The following PLA2G4A variants were observed in gnomAD, a reference collection of about 807,000 sequenced individuals.
PLA2G4A encodes phospholipase A2 group IVA.
In PLA2G4A, 40 loss-of-function variants were observed where a neutral mutation model predicts 81.9. The ratio of observed to expected loss-of-function variants is 0.49; its 90% CI spans 0.38 to 0.64. The LOEUF is 0.64. Ranked by LOEUF, PLA2G4A falls within the 30% of genes least tolerant of loss-of-function variation. The pLI is 0.00. For synonymous variants in PLA2G4A, 302 were observed against 296.9 expected, an observed-to-expected ratio of 1.02 and a Z score of -0.18; for missense variants, 715 against 905.1, an observed-to-expected ratio of 0.79 and a Z score of 2.69.
chr1:186,946,290 G>A (rs1193941096), intron 10 of PLA2G4A, among the ~76,000 whole-genome samples: 1 of 152,024 alleles, frequency 6.6e-6, no homozygotes, highest in Non-Finnish European at 1.5e-5. Context: ...TATTCTGTAT[G>A]CTCCATGAAA....
chr1:186,984,604 C>A (rs1374226636), intron 17 of PLA2G4A, among the ~76,000 whole-genome samples: 3 of 152,118 alleles, frequency 2.0e-5, no homozygotes, highest in African/African-American at 7.2e-5. Context: ...GATATTTCTT[C>A]ATCTTGATAA....
At chr1:186,836,921 T>C (rs60292300) in intron 1 of PLA2G4A, among the ~76,000 whole-genome samples, 8,427 of 152,154 alleles carry the variant, frequency 0.055, 279 homozygotes, top group Admixed American at 0.073. Context: ...CTCTGAGGCA[T>C]AGAATTGAAG....
chr1:186,970,476 T>G (rs1657313758), intron 15 of PLA2G4A, among the ~76,000 whole-genome samples: 1 of 152,132 alleles, frequency 6.6e-6, no homozygotes, highest in African/African-American at 2.4e-5. Flanking sequence ...CAAGAAATCT[T>G]TGCCCAGATC....
At chr1:186,911,094 T>TA (rs1396361586) in intron 6 of PLA2G4A, among the ~76,000 whole-genome samples, 154 bp from the exon 7 acceptor site, 8 of 152,256 alleles carry the variant, frequency 5.3e-5, no homozygotes, top group African/African-American at 1.9e-4. Flanking sequence ...GCCATCATTT[T>TA]ATCCTCTTAT....
chr1:186,953,959 A>AT (rs927219240), intron 13 of PLA2G4A, among the ~76,000 whole-genome samples: 2 of 150,908 alleles, frequency 1.3e-5, no homozygotes, highest in Non-Finnish European at 3.0e-5. Context: ...TAAAAGACAT[A>AT]TTTTGTCCTG....
chr1:186,851,059 T>C (rs1652356180), intron 1 of PLA2G4A, among the ~76,000 whole-genome samples: 1 of 152,062 alleles, frequency 6.6e-6, no homozygotes. Context: ...AGTACTGTTA[T>C]TCACATTACA....
At chr1:186,829,912 G>A (rs567466629) in intron 1 of PLA2G4A, among the ~76,000 whole-genome samples, 1 of 152,254 alleles carries the variant, frequency 6.6e-6, no homozygotes, top group South Asian at 2.1e-4. Context: ...AGTATTAGAG[G>A]CGTACTGTCT....
chr1:186,944,475 CTTGTATG>C (rs1656266752), intron 10 of PLA2G4A, among the ~76,000 whole-genome samples: 1 of 152,112 alleles, frequency 6.6e-6, no homozygotes, highest in South Asian at 2.1e-4. Flanking sequence ...TAGGAAATTA[CTTGTATG>C]AATACAGGAA....
At chr1:186,937,253 AAGAG>A (rs58594192) in intron 8 of PLA2G4A, among the ~76,000 whole-genome samples, 44,174 of 149,238 alleles carry the variant, frequency 0.3, 8,480 homozygotes, top group African/African-American at 0.54. Context: ...GAGACGGGAA[AAGAG>A]AGAGAGAGAG....
intron 15 of PLA2G4A, among the ~76,000 whole-genome samples, chr1:186,974,139 A>G (rs1657452083): frequency 1.3e-5 from 2 of 152,008 alleles, no homozygotes; most frequent in South Asian, 4.1e-4. Context: ...ATGTAAATGA[A>G]TGAAATGGCA....
chr1:186,979,568 G>A (rs1657649573), intron 17 of PLA2G4A, 96 bp downstream of exon 17: 6 of 863,066 alleles, frequency 7.0e-6, no homozygotes, highest in African/African-American at 5.1e-5. Flanking sequence ...AAAAATAAGT[G>A]TTATGAATGA....
intron 14 of PLA2G4A, among the ~76,000 whole-genome samples, chr1:186,958,261 T>C (rs919384777): frequency 6.6e-6 from 1 of 152,240 alleles, no homozygotes; most frequent in Admixed American, 6.5e-5. Flanking sequence ...TTAACTAATA[T>C]ATTAACTATA....
At chr1:186,968,830 A>C (rs900135720) in intron 15 of PLA2G4A, among the ~76,000 whole-genome samples, 1 of 151,734 alleles carries the variant, frequency 6.6e-6, no homozygotes, top group Non-Finnish European at 1.5e-5. Context: ...TTACATTACT[A>C]TGTCTAATTA....
At chr1:186,913,748 AAATT>A in intron 7 of PLA2G4A, among the ~76,000 whole-genome samples, 1 of 152,312 alleles carries the variant, frequency 6.6e-6, no homozygotes, top group East Asian at 1.9e-4. Flanking sequence ...TTTCATAAAT[AAATT>A]AATTTCTTGG....
intron 8 of PLA2G4A, 93 bp downstream of exon 8, chr1:186,932,992 T>C: frequency 3.2e-6 from 3 of 928,542 alleles, no homozygotes; most frequent in Non-Finnish European, 5.1e-6. Context: ...ATTTAGAAAA[T>C]TGATCATTAA....
intron 1 of PLA2G4A, among the ~76,000 whole-genome samples, chr1:186,851,974 G>A (rs533320569): frequency 3.2e-4 from 49 of 151,956 alleles, no homozygotes; most frequent in African/African-American, 1.2e-3. Context: ...AGGGATGAGG[G>A]TAATACAACT....
intron 5 of PLA2G4A, among the ~76,000 whole-genome samples, chr1:186,901,744 T>C (rs1259879738): frequency 6.6e-6 from 1 of 152,002 alleles, no homozygotes; most frequent in Non-Finnish European, 1.5e-5. Context: ...TCATCAAATG[T>C]AAGGAGGAAA....
At chr1:186,917,591 C>G (rs1024458372) in intron 7 of PLA2G4A, among the ~76,000 whole-genome samples, 1 of 152,138 alleles carries the variant, frequency 6.6e-6, no homozygotes, top group African/African-American at 2.4e-5. Flanking sequence ...GTCTTCCGTA[C>G]CAAGTGAGCC....
chr1:186,969,719 T>C (rs891749541), intron 15 of PLA2G4A, among the ~76,000 whole-genome samples: 4 of 140,434 alleles, frequency 2.8e-5, no homozygotes, highest in Admixed American at 1.5e-4. Context: ...CCTGACATGT[T>C]ATTACAAATG....
Sources: allele counts gnomAD v4.1 joint callset (sites outside exome capture counted in the v4.1 genomes callset), GRCh38; gene constraint gnomAD v4.1.1; transcripts MANE v1.5; gene names NCBI Gene and HGNC (gene_info 2026-07-23, HGNC 2026-07-21).